Variants in RNF2 observed in about 807,000 individuals in gnomAD.
The protein encoded by RNF2 is ring finger protein 2.
RNF2 carries 6 observed loss-of-function variants against 37.2 expected under a neutral mutation model. The ratio of observed to expected loss-of-function variants is 0.16; its 90% CI spans 0.09 to 0.32. The LOEUF is 0.32. Ranked by LOEUF, RNF2 falls within the 10% of genes least tolerant of loss-of-function variation. RNF2 has a pLI of 1.00. For missense variants in RNF2, 251 were observed against 404.0 expected (o/e 0.62, Z 3.25); for synonymous variants, 133 against 132.7 (o/e 1.00, Z -0.02).
At chr1:185,048,400 A>G (rs1014339217) in intron 1 of RNF2, among the ~76,000 whole-genome samples, 1 of 152,222 alleles carries the variant, frequency 6.6e-6, no homozygotes, top group African/African-American at 2.4e-5. Context: ...TCAAGGAGCT[A>G]TATACATTAC....
At chr1:185,094,892 G>A (rs1305600198) in intron 4 of RNF2, among the ~76,000 whole-genome samples, 2 of 152,112 alleles carry the variant, frequency 1.3e-5, no homozygotes, top group African/African-American at 4.8e-5. Context: ...CAGTCTAGTG[G>A]TTTTCACCTT....
intron 1 of RNF2, among the ~76,000 whole-genome samples, chr1:185,083,661 T>G (rs1651494917): frequency 6.6e-6 from 1 of 151,998 alleles, no homozygotes; most frequent in Non-Finnish European, 1.5e-5. Context: ...TTTTGGAGAC[T>G]CGAGCTCAGT....
chr1:185,064,684 TTAA>T (rs72392086), intron 1 of RNF2, among the ~76,000 whole-genome samples: 22,125 of 152,174 alleles, frequency 0.15, 1,823 homozygotes, highest in East Asian at 0.26. Context: ...TATTGTTATC[TTAA>T]TAATATTTTG....
At chr1:185,082,955 A>G (rs910066824) in intron 1 of RNF2, among the ~76,000 whole-genome samples, 5 of 152,222 alleles carry the variant, frequency 3.3e-5, no homozygotes, top group African/African-American at 7.2e-5. Flanking sequence ...GTGAATTCCA[A>G]CAGTGCAAAA....
chr1:185,072,079 G>C (rs1210412786), intron 1 of RNF2: 1 of 152,718 alleles, frequency 6.5e-6, no homozygotes, highest in African/African-American at 2.4e-5. Flanking sequence ...AGGTGGCTAA[G>C]AAGAGGTAGC....
intron 1 of RNF2, chr1:185,071,815 C>T (rs1650984377): frequency 6.5e-6 from 1 of 153,126 alleles, no homozygotes; most frequent in Non-Finnish European, 1.5e-5. Context: ...CCATTGTCTT[C>T]AACCTGCCCT....
intron 1 of RNF2, among the ~76,000 whole-genome samples, chr1:185,052,054 A>G (rs913947982): frequency 7.2e-5 from 11 of 151,738 alleles, no homozygotes; most frequent in African/African-American, 2.4e-4. Flanking sequence ...TTCCCTGCCA[A>G]TCCTCTTCCC....
chr1:185,048,678 G>T (rs1650183841), intron 1 of RNF2, among the ~76,000 whole-genome samples: 2 of 152,182 alleles, frequency 1.3e-5, no homozygotes, highest in African/African-American at 2.4e-5. Flanking sequence ...CTGCAAGGGG[G>T]ATTTCTTTTT....
chr1:185,082,364 T>TTTTTTTTTTTTTTTTTTTTTTTG (rs1173750596), intron 1 of RNF2, among the ~76,000 whole-genome samples: 2 of 114,890 alleles, frequency 1.7e-5, no homozygotes, highest in Admixed American at 8.8e-5. Context: ...TTTTTTTTTT[T>TTTTTTTTTTTTTTTTTTTTTTTG]TTTGAAGACA....
intron 1 of RNF2, among the ~76,000 whole-genome samples, chr1:185,054,942 C>T (rs1183426173): frequency 1.3e-5 from 2 of 152,190 alleles, no homozygotes; most frequent in Admixed American, 6.5e-5. Flanking sequence ...ACAAGCAGTC[C>T]GCCTGCCTCG....
chr1:185,056,812 G>A (rs2102156193), intron 1 of RNF2, among the ~76,000 whole-genome samples: 1 of 152,208 alleles, frequency 6.6e-6, no homozygotes, highest in Non-Finnish European at 1.5e-5. Context: ...GAATAAAATA[G>A]TATTCAGTTG....
Position 185,101,442 on chromosome 1 carries a change from C to A in RNF2, c.*1141C>A, listed in dbSNP as rs1652074762. On this transcript the variant is annotated 3_prime_UTR_variant, in exon 7 of 7. Transcript: ENST00000367510. ...AAAACGTCAGCCAGTAGGGTAAAGTCATTCTACTGTTCTTAATTTTTATAT... is the reference window on the plus strand; with the variant it reads ...AAAACGTCAGCCAGTAGGGTAAAGTAATTCTACTGTTCTTAATTTTTATAT... 1 of 152,480 alleles carries A rather than the reference C, an allele frequency of 6.6e-6. No individual in the cohort carries two copies. Among genetic ancestry groups the A allele is most frequent in the Admixed American group, 6.6e-5 (1 of 15,254 alleles). The allele number at this position is 152,480 out of a possible 1,614,324, so 9.4% of individuals were successfully genotyped here. A position where few individuals can be genotyped will look rare whatever the true frequency, so the allele number is the denominator to read the frequency against.
At chr1:185,091,502 C>G in intron 2 of RNF2, 77 bp from the exon 3 acceptor site, 1 of 1,406,846 alleles carries the variant, frequency 7.1e-7, no homozygotes, top group South Asian at 1.3e-5. Flanking sequence ...TTTACCATTT[C>G]CAGTACTTTT....
At chr1:185,078,254 T>G (rs1477368422) in intron 1 of RNF2, among the ~76,000 whole-genome samples, 1 of 152,174 alleles carries the variant, frequency 6.6e-6, no homozygotes, top group Non-Finnish European at 1.5e-5. Flanking sequence ...CATAAATCAG[T>G]CAATCATGTA....
chr1:185,081,188 A>G (rs977506169), intron 1 of RNF2, among the ~76,000 whole-genome samples: 16 of 152,188 alleles, frequency 1.1e-4, no homozygotes, highest in African/African-American at 3.6e-4. Flanking sequence ...ATTTTTGCCA[A>G]TGAGAAATAA....
chr1:185,053,098 A>C (rs531299506), intron 1 of RNF2, among the ~76,000 whole-genome samples: 1 of 152,192 alleles, frequency 6.6e-6, no homozygotes, highest in East Asian at 1.9e-4. Context: ...AACCTAGGCA[A>C]GTCAGGCTCT....
intron 1 of RNF2, among the ~76,000 whole-genome samples, chr1:185,082,345 C>CCTTTTTTTTTTT (rs1651442966): frequency 2.8e-5 from 2 of 72,000 alleles, no homozygotes; most frequent in South Asian, 1.0e-3. Context: ...CTCTGCAGAA[C>CCTTTTTTTTTTT]TTTTTTTTTT....
rs1421381350 is a variant in RNF2 at position 185,102,599 on chromosome 1, C to T, written c.*2298C>T. 6.6e-6 allele frequency: 1 copy of T among 152,216 alleles called. No homozygotes were observed. The allele number at this position is 152,216 out of a possible 1,614,324, so 9.4% of individuals were successfully genotyped here. A position where few individuals can be genotyped will look rare whatever the true frequency, so the allele number is the denominator to read the frequency against. ...ATTAAAGTAATGCATTTCTCTTCTT[C>T]TTAACCCCTAGCAACCTCTATTCTA... On this transcript the variant is annotated 3_prime_UTR_variant, in exon 7 of 7. Coordinates refer to ENST00000367510, the MANE Select transcript of RNF2 (RefSeq NM_007212.4).
rs76112967 is a variant in RNF2, at chr1:185,085,013, G to T, written c.-2-2539G>T. Among the ~76,000 whole-genome samples the T allele has an allele frequency of 5.6e-3, 852 of 152,184 alleles. 32 individuals are homozygous for T. In the East Asian group the frequency reaches 0.085, roughly 15 times the overall value. On this transcript the variant is annotated intron_variant, in intron 1 of 6. Coordinates refer to ENST00000367510, the MANE Select transcript of RNF2 (RefSeq NM_007212.4). ...TCTGCTGGACCACTCTACCTTAGTG[G>T]TCCCTGAGTAGCTGGAACTCAGTGT...
Sources: gnomAD v4.1 joint callset for allele counts (sites outside exome capture counted in the v4.1 genomes callset) on GRCh38, gnomAD v4.1.1 for gene constraint, MANE v1.5 for transcripts, NCBI Gene and HGNC (gene_info 2026-07-23, HGNC 2026-07-21) for gene names.